The following MACROD2 variants were observed in gnomAD, a reference collection of about 807,000 sequenced individuals.
MACROD2 encodes the protein ADP-ribose glycohydrolase MACROD2.
A neutral mutation model predicts 70.4 loss-of-function variants in MACROD2; 36 were observed. The observed-to-expected ratio is 0.51, with a 90% CI of 0.39 to 0.68. The LOEUF is 0.68. Ranked by LOEUF, MACROD2 falls within the 30% of genes least tolerant of loss-of-function variation. The probability of loss-of-function intolerance (pLI) is 0.00; values close to 1 mark genes in which losing one functional copy is unlikely to be tolerated. For missense variants in MACROD2, 496 were observed against 538.4 expected, an observed-to-expected ratio of 0.92 and a Z score of 0.78; for synonymous variants, 172 against 178.8, an observed-to-expected ratio of 0.96 and a Z score of 0.30.
intron 5 of MACROD2, among the ~76,000 whole-genome samples, chr20:14,796,876 T>C (rs1191554907): frequency 6.6e-6 from 1 of 152,054 alleles, no homozygotes; most frequent in African/African-American, 2.4e-5. Flanking sequence ...CCCAGACTGA[T>C]GCCTTAAAAA....
intron 8 of MACROD2, among the ~76,000 whole-genome samples, chr20:15,723,665 C>T (rs988663793): frequency 6.6e-6 from 1 of 152,090 alleles, no homozygotes; most frequent in Non-Finnish European, 1.5e-5. Flanking sequence ...TTTGCATGTA[C>T]CACAGTTTAT....
chr20:15,280,843 T>A (rs1308034312), intron 6 of MACROD2: 1 of 152,256 alleles, frequency 6.6e-6, no homozygotes, highest in Non-Finnish European at 1.5e-5. Context: ...TAGATGAGAC[T>A]GGGCACATTT....
intron 4 of MACROD2, among the ~76,000 whole-genome samples, chr20:14,663,531 C>A (rs945921653): frequency 1.5e-4 from 22 of 150,872 alleles, no homozygotes; most frequent in East Asian, 7.9e-4. Flanking sequence ...CACACACACA[C>A]ACACACACAC....
chr20:14,813,177 C>G (rs1255176178), intron 5 of MACROD2, among the ~76,000 whole-genome samples: 1 of 151,186 alleles, frequency 6.6e-6, no homozygotes, highest in East Asian at 1.9e-4. Flanking sequence ...TTAATAATTT[C>G]TTTTTTTTAA....
At chr20:15,742,555 G>T (rs949048145) in intron 8 of MACROD2, among the ~76,000 whole-genome samples, 2 of 152,186 alleles carry the variant, frequency 1.3e-5, no homozygotes, top group Non-Finnish European at 2.9e-5. Context: ...TATCCAGCAT[G>T]TGTATGTCTG....
chr20:15,740,139 G>GAA (rs2146963722), intron 8 of MACROD2, among the ~76,000 whole-genome samples: 2 of 152,306 alleles, frequency 1.3e-5, no homozygotes, highest in South Asian at 4.1e-4. Context: ...AGGAAAGAAA[G>GAA]AAAATGTGGA....
intron 6 of MACROD2, among the ~76,000 whole-genome samples, chr20:15,384,982 A>G (rs13039835): frequency 0.19 from 28,606 of 152,100 alleles, 3,652 homozygotes; most frequent in African/African-American, 0.36. Flanking sequence ...CACACAGGAA[A>G]TTATCAAACT....
chr20:14,242,245 A>G (rs778010389), intron 3 of MACROD2, among the ~76,000 whole-genome samples: 5 of 152,118 alleles, frequency 3.3e-5, no homozygotes, highest in African/African-American at 4.8e-5. Flanking sequence ...TTGTTTTTAT[A>G]TTCAGTACTT....
chr20:15,232,292 G>A (rs1353519630), intron 6 of MACROD2, among the ~76,000 whole-genome samples: 1 of 151,952 alleles, frequency 6.6e-6, no homozygotes, highest in Non-Finnish European at 1.5e-5. Context: ...ACAATAGATG[G>A]TAGACATGGT....
chr20:14,927,130 T>C (rs1460951486), intron 5 of MACROD2, among the ~76,000 whole-genome samples: 1 of 152,192 alleles, frequency 6.6e-6, no homozygotes, highest in African/African-American at 2.4e-5. Flanking sequence ...CCTGAAAACA[T>C]ATCGAGTGTG....
In MACROD2 at chr20:14,085,610, T is replaced by A; in HGVS notation, c.164-11T>A. The A allele has an allele frequency of 6.8e-7, 1 of 1,466,836 alleles. No homozygotes were observed. Among genetic ancestry groups the A allele is most frequent in the Non-Finnish European group, 9.2e-7 (1 of 1,083,248 alleles). 90.9% of individuals were successfully genotyped at this position (1,466,836 alleles called of 1,614,324 possible). ...ATATTATTATTGATATATATCCATT[T>A]TCTATTACAGAAGAAAATACTCAGG... On this transcript the variant is annotated splice_polypyrimidine_tract_variant and intron_variant, in intron 2 of 17. Transcript: ENST00000684519.
intron 8 of MACROD2, among the ~76,000 whole-genome samples, chr20:15,708,941 T>G (rs1341324243): frequency 3.3e-5 from 5 of 152,104 alleles, no homozygotes; most frequent in Non-Finnish European, 7.4e-5. Flanking sequence ...TGGGAGGATC[T>G]TTTGAGCCTG....
intron 3 of MACROD2, among the ~76,000 whole-genome samples, chr20:14,272,450 A>T (rs2082204821): frequency 6.6e-6 from 1 of 151,980 alleles, no homozygotes; most frequent in South Asian, 2.1e-4. Context: ...ATGCTGAGAG[A>T]TTTTGTCACC....
chr20:15,092,881 C>T (rs911364224), intron 5 of MACROD2, among the ~76,000 whole-genome samples: 4 of 152,016 alleles, frequency 2.6e-5, no homozygotes, highest in African/African-American at 9.7e-5. Context: ...TGTCTCTCTC[C>T]GAATAAGTGC....
intron 8 of MACROD2, among the ~76,000 whole-genome samples, chr20:15,802,626 C>A (rs4369926): frequency 1.3e-5 from 2 of 151,902 alleles, no homozygotes; most frequent in East Asian, 3.9e-4. Context: ...AAAGCAAGAA[C>A]AAACCGAATC....
intron 5 of MACROD2, among the ~76,000 whole-genome samples, chr20:15,135,026 T>A (rs1038096049): frequency 1.3e-5 from 2 of 152,122 alleles, no homozygotes; most frequent in African/African-American, 4.8e-5. Flanking sequence ...AGAAGTTGAA[T>A]CTCTGAATAG....
intron 3 of MACROD2, among the ~76,000 whole-genome samples, chr20:14,188,114 C>T (rs1284085138): frequency 6.6e-6 from 1 of 152,124 alleles, no homozygotes; most frequent in Non-Finnish European, 1.5e-5. Flanking sequence ...CTTTAACCTA[C>T]AGGTTAGAGT....
rs575992845 is a variant in MACROD2 at position 16,022,651 on chromosome 20, C to T, written c.1154-18550C>T. On this transcript the variant is annotated intron_variant, in intron 15 of 17. Transcript: ENST00000684519. ...TGAGTATATCCAATGCAGATGGTTC[C>T]TGGACCACATCTTGAAAAATTCAGA... is the stretch of plus-strand genomic sequence containing the variant. Among the ~76,000 whole-genome samples the T allele has an allele frequency of 9.2e-4, 140 of 152,302 alleles. 2 individuals carry two copies. In the South Asian group the frequency reaches 0.028, roughly 30 times the overall value.
intron 8 of MACROD2, among the ~76,000 whole-genome samples, chr20:15,813,961 T>C (rs2063846730): frequency 6.6e-6 from 1 of 152,198 alleles, no homozygotes; most frequent in Non-Finnish European, 1.5e-5. Flanking sequence ...TTTTTGGAAA[T>C]ATATTGTAAA....
Sources: allele counts gnomAD v4.1 joint callset (sites outside exome capture counted in the v4.1 genomes callset), GRCh38; gene constraint gnomAD v4.1.1; transcripts MANE v1.5; gene names NCBI Gene and HGNC (gene_info 2026-07-23, HGNC 2026-07-21).